Variants in GRK4 observed in about 807,000 individuals in gnomAD.
GRK4 encodes G protein-coupled receptor kinase 2-like.
A neutral mutation model predicts 77.9 loss-of-function variants in GRK4; 73 were observed. The ratio of observed to expected loss-of-function variants is 0.94; its 90% CI spans 0.78 to 1.14. GRK4 has a LOEUF of 1.14. GRK4 is among the 50% of genes most tolerant of loss of function. The pLI is 0.00. For missense variants in GRK4, 729 were observed against 700.2 expected (o/e 1.04, Z -0.46); for synonymous variants, 257 against 254.4 (o/e 1.01, Z -0.10).
At position 3,038,552 on chromosome 4, in the gene GRK4, GAAAA is replaced by G. The variant is rs11451355; in HGVS notation, c.1683+49_1683+52del. The G allele has an allele frequency of 5.2e-6, 7 of 1,345,186 alleles. No homozygotes were observed. In the African/African-American group the frequency reaches 7.6e-5, roughly 15 times the overall value. The allele number at this position is 1,345,186 out of a possible 1,614,324, so 83.3% of individuals were successfully genotyped here. ...AAAACTAATATATGTGTGTGTATGT[GAAAA>G]AAAAAAAAACATACTGACTGCCAAG... On this transcript the variant is annotated intron_variant, in intron 15 of 15. Transcript: ENST00000398052.
chr4:3,013,060 T>C (rs1181734480), intron 7 of GRK4, among the ~76,000 whole-genome samples: 1 of 151,210 alleles, frequency 6.6e-6, no homozygotes, highest in African/African-American at 2.4e-5. Context: ...CAGGAGAATC[T>C]TGAGACGGAG....
At chr4:3,009,391 C>G (rs1016588725) in intron 6 of GRK4, among the ~76,000 whole-genome samples, 3 of 144,386 alleles carry the variant, frequency 2.1e-5, no homozygotes, top group Non-Finnish European at 4.5e-5. Context: ...CACTGCACTC[C>G]AGCCCTGGCG....
At chr4:2,993,430 T>C (rs2109696614) in intron 4 of GRK4, among the ~76,000 whole-genome samples, 1 of 152,254 alleles carries the variant, frequency 6.6e-6, no homozygotes, top group Middle Eastern at 3.4e-3. Context: ...CCCCAGCACT[T>C]TGGGAGGCTG....
intron 1 of GRK4, among the ~76,000 whole-genome samples, chr4:2,979,768 G>T (rs113062343): frequency 0.013 from 1,980 of 152,248 alleles, 21 homozygotes; most frequent in African/African-American, 0.033. Flanking sequence ...GGTCCCAGCT[G>T]CTGAGGAGGC....
Position 2,985,795 on chromosome 4 carries a change from G to A in GRK4, c.148+1187G>A, listed in dbSNP as rs551316146. On this transcript the variant is annotated intron_variant, in intron 2 of 15. Transcript: ENST00000398052. Reference sequence around the variant, plus strand: ...GGGCGGATCACGAGATCAGGAGATCGAGACCATCCTGGCTAACACGGTGAA... The same window carrying A: ...GGGCGGATCACGAGATCAGGAGATCAAGACCATCCTGGCTAACACGGTGAA... 111 of 249,464 alleles carry A rather than the reference G, an allele frequency of 4.4e-4. 2 individuals carry two copies. Among genetic ancestry groups the A allele is most frequent in the South Asian group, 3.6e-3 (108 of 30,066 alleles). 15.5% of individuals were successfully genotyped at this position (249,464 alleles called of 1,614,324 possible).
In GRK4 at chr4:2,998,462, T is replaced by C. The variant is rs116521246; in HGVS notation, c.340-5769T>C. Among the ~76,000 whole-genome samples, 373 of 152,156 alleles carry C rather than the reference T, an allele frequency of 2.5e-3. 4 individuals are homozygous for C. The highest frequency in any genetic ancestry group is 8.8e-3 in the African/African-American group (365 of 41,526). On this transcript the variant is annotated intron_variant, in intron 4 of 15. Transcript: ENST00000398052. ...TAGAAAATTCTAAGAAATTCACACA[T>C]ACACACATAAAGAAAAAGACTGTTG...
At chr4:3,016,607 G>T (rs903253278) in intron 8 of GRK4, among the ~76,000 whole-genome samples, 1 of 148,734 alleles carries the variant, frequency 6.7e-6, no homozygotes, top group East Asian at 2.0e-4. Flanking sequence ...AGGCTGTGGT[G>T]GGAGGATTGC....
chr4:2,984,368 C>G (rs1723650872), intron 1 of GRK4, 145 bp from the exon 2 acceptor site: 2 of 495,702 alleles, frequency 4.0e-6, no homozygotes, highest in African/African-American at 4.0e-5. Flanking sequence ...CCAGATAAGA[C>G]AAATTATTAT....
Position 2,988,746 on chromosome 4 carries a change from T to C in GRK4, c.168T>C (p.Leu56=). The C allele has an allele frequency of 1.9e-6, 3 of 1,609,804 alleles. No individual in the cohort carries two copies. The South Asian group carries it at 3.3e-5, about 18-fold the overall frequency. ...ACCCAGAAAAGGATTATAGCAGTCT[T>C]TGTGACAAGCAACCGATAGGAAGAC... The part of the protein sequence containing the change: ...RHSIEKDYSS[L]CDKQPIGRRL... The change falls in exon 3 of 16, where the codon CTT becomes CTC. Residue 56 remains leucine (L), a synonymous_variant. Coordinates refer to ENST00000398052, the MANE Select transcript of GRK4 (RefSeq NM_182982.3).
chr4:3,004,980 G>A (rs757981472), intron 5 of GRK4, among the ~76,000 whole-genome samples: 1 of 152,030 alleles, frequency 6.6e-6, no homozygotes, highest in Admixed American at 6.6e-5. Flanking sequence ...GGGTCCCATC[G>A]TTTAGCACCA....
At chr4:2,984,310 G>A (rs1578044318) in intron 1 of GRK4, among the ~76,000 whole-genome samples, 1 of 152,190 alleles carries the variant, frequency 6.6e-6, no homozygotes, top group East Asian at 1.9e-4. Context: ...GGCAGAGCTA[G>A]TGACAGATTG....
chr4:3,024,360 C>T (rs12506318), intron 10 of GRK4, among the ~76,000 whole-genome samples: 3 of 152,192 alleles, frequency 2.0e-5, no homozygotes, highest in Non-Finnish European at 4.4e-5. Flanking sequence ...ACTCCTGGGC[C>T]TAAGCGACCC....
chr4:3,025,471 G>A (rs1416328949), intron 10 of GRK4, among the ~76,000 whole-genome samples: 4 of 139,172 alleles, frequency 2.9e-5, no homozygotes, highest in Admixed American at 1.5e-4. Context: ...CTCACTGTAA[G>A]CTCCGCCTCC....
chr4:3,033,715 T>C (rs1428707461), intron 12 of GRK4, among the ~76,000 whole-genome samples: 1 of 152,126 alleles, frequency 6.6e-6, no homozygotes, highest in African/African-American at 2.4e-5. Flanking sequence ...GGCTCCTGAG[T>C]AGCTGGGACT....
At chr4:2,985,400 C>CA (rs34597270) in intron 2 of GRK4, among the ~76,000 whole-genome samples, 293 of 119,234 alleles carry the variant, frequency 2.5e-3, no homozygotes, top group South Asian at 8.1e-3. Flanking sequence ...GACTCTGTCT[C>CA]AAAAAAAAAA....
At chr4:3,026,836 G>C (rs111905699) in intron 10 of GRK4, among the ~76,000 whole-genome samples, 2,040 of 152,344 alleles carry the variant, frequency 0.013, 22 homozygotes, top group African/African-American at 0.033. Context: ...TGACTACAGT[G>C]CCTTGGAGGG....
intron 8 of GRK4, among the ~76,000 whole-genome samples, chr4:3,016,544 A>AG (rs1383295045): frequency 6.8e-6 from 1 of 147,978 alleles, no homozygotes; most frequent in East Asian, 2.0e-4. Flanking sequence ...AAAAAAAAAA[A>AG]AAAAAAATTA....
intron 6 of GRK4, 46 bp from the exon 7 acceptor site, chr4:3,009,602 G>T: frequency 1.4e-6 from 2 of 1,449,366 alleles, no homozygotes; most frequent in South Asian, 1.1e-5. Context: ...TTTTTTAAAA[G>T]AACAATGCAA....
chr4:3,025,003 G>T (rs935045146), intron 10 of GRK4, among the ~76,000 whole-genome samples: 3 of 152,002 alleles, frequency 2.0e-5, no homozygotes, highest in African/African-American at 7.2e-5. Context: ...GGGCACAGTG[G>T]CTCTTGCCTG....
Sources: gnomAD v4.1 joint callset for allele counts (sites outside exome capture counted in the v4.1 genomes callset) on GRCh38, gnomAD v4.1.1 for gene constraint, MANE v1.5 for transcripts, NCBI Gene and HGNC (gene_info 2026-07-23, HGNC 2026-07-21) for gene names.